Variants in TRPC4 observed in about 807,000 individuals in gnomAD.
TRPC4 encodes the protein short transient receptor potential channel 4.
Under a neutral mutation model 99.4 loss-of-function variants are expected in TRPC4, and 49 were observed. The observed-to-expected ratio is 0.49, with a 90% CI of 0.39 to 0.63. The LOEUF (loss-of-function observed/expected upper bound fraction) is 0.63, where lower values mean the gene tolerates loss of function less well. Among genes scored for constraint, TRPC4 ranks in the 20% least tolerant of loss-of-function variants. The pLI is 0.00. For missense variants in TRPC4, 898 were observed against 1,152.9 expected (o/e 0.78, Z 3.20); for synonymous variants, 454 against 425.9 (o/e 1.07, Z -0.81).
At chr13:37,738,662 A>G (rs962176804) in intron 3 of TRPC4, among the ~76,000 whole-genome samples, 1 of 152,192 alleles carries the variant, frequency 6.6e-6, no homozygotes, top group Non-Finnish European at 1.5e-5. Flanking sequence ...ACCCATTGCA[A>G]TAGATGAACA....
chr13:37,817,242 A>C (rs981719196), intron 1 of TRPC4, among the ~76,000 whole-genome samples: 1 of 152,132 alleles, frequency 6.6e-6, no homozygotes, highest in Admixed American at 6.6e-5. Flanking sequence ...TCAAGCTGAG[A>C]GCAAAATCAG....
At chr13:37,809,772 A>G (rs1376978613) in intron 1 of TRPC4, among the ~76,000 whole-genome samples, 2 of 152,104 alleles carry the variant, frequency 1.3e-5, no homozygotes, top group African/African-American at 2.4e-5. Flanking sequence ...TGGGTCCACT[A>G]TGAATCTGGA....
chr13:37,696,704 A>G lies in TRPC4; in HGVS notation c.898-4369T>C, dbSNP rs564286461. ...AAGGGCAATCTGATTCCTTTGCTCT[A>G]AAAGGACCACAAATTCATATACATA... On this transcript the variant is annotated intron_variant, in intron 3 of 10. Transcript: ENST00000379705. Among the ~76,000 whole-genome samples, 9 of 152,306 alleles carry G rather than the reference A, an allele frequency of 5.9e-5. No individual in the cohort carries two copies. The South Asian group carries it at 1.9e-3, about 32-fold the overall frequency.
At chr13:37,792,547 T>C (rs1427675129) in intron 1 of TRPC4, among the ~76,000 whole-genome samples, 1 of 152,122 alleles carries the variant, frequency 6.6e-6, no homozygotes, top group African/African-American at 2.4e-5. Context: ...AAAAACAATA[T>C]TAAGAAGAAA....
intron 1 of TRPC4, among the ~76,000 whole-genome samples, chr13:37,821,762 G>A (rs535393367): frequency 6.6e-6 from 1 of 152,212 alleles, no homozygotes; most frequent in African/African-American, 2.4e-5. Context: ...CTAGTCATAC[G>A]TGGAAGATTG....
intron 1 of TRPC4, among the ~76,000 whole-genome samples, chr13:37,863,275 A>G (rs1271802667): frequency 6.6e-6 from 1 of 151,640 alleles, no homozygotes; most frequent in Non-Finnish European, 1.5e-5. Context: ...CATTCATTGC[A>G]AATCTAACCA....
At chr13:37,681,636 G>C (rs1953243058) in intron 4 of TRPC4, among the ~76,000 whole-genome samples, 1 of 152,102 alleles carries the variant, frequency 6.6e-6, no homozygotes, top group African/African-American at 2.4e-5. Context: ...AAACCAGAGG[G>C]TGCTATTAAC....
chr13:37,654,700 T>G (rs1007827588), intron 7 of TRPC4, among the ~76,000 whole-genome samples: 3 of 152,168 alleles, frequency 2.0e-5, no homozygotes, highest in African/African-American at 4.8e-5. Context: ...TTATCTTTTG[T>G]ATCTTCCCCT....
chr13:37,845,749 T>C (rs1958877357), intron 1 of TRPC4, among the ~76,000 whole-genome samples: 1 of 152,084 alleles, frequency 6.6e-6, no homozygotes. Flanking sequence ...AGAAAGCATA[T>C]TTGAGAAAAT....
At chr13:37,857,344 C>T (rs942521674) in intron 1 of TRPC4, among the ~76,000 whole-genome samples, 1 of 151,336 alleles carries the variant, frequency 6.6e-6, no homozygotes, top group African/African-American at 2.4e-5. Flanking sequence ...TTCATACTAC[C>T]CAAAGAAATC....
chr13:37,821,720 C>G (rs936949859), intron 1 of TRPC4, among the ~76,000 whole-genome samples: 1 of 152,138 alleles, frequency 6.6e-6, no homozygotes, highest in Admixed American at 6.6e-5. Context: ...GGAAAGGTCT[C>G]TCTATTCAAT....
intron 1 of TRPC4, among the ~76,000 whole-genome samples, chr13:37,839,107 A>G (rs768946166): frequency 2.0e-5 from 3 of 152,188 alleles, no homozygotes; most frequent in Non-Finnish European, 2.9e-5. Context: ...AATATTGACA[A>G]GTAGTAGTAT....
At chr13:37,646,087 A>C (rs1951853848) in intron 8 of TRPC4, among the ~76,000 whole-genome samples, 2 of 152,218 alleles carry the variant, frequency 1.3e-5, no homozygotes, top group Non-Finnish European at 1.5e-5. Flanking sequence ...ATGTACTATG[A>C]GCATTTTTTC....
intron 2 of TRPC4, among the ~76,000 whole-genome samples, chr13:37,752,404 C>T (rs962022072): frequency 1.3e-5 from 2 of 151,826 alleles, no homozygotes; most frequent in Non-Finnish European, 2.9e-5. Flanking sequence ...AGGTGACTGC[C>T]ATTTCTGTAG....
At chr13:37,842,690 A>G (rs1228293265) in intron 1 of TRPC4, among the ~76,000 whole-genome samples, 1 of 152,174 alleles carries the variant, frequency 6.6e-6, no homozygotes, top group Non-Finnish European at 1.5e-5. Context: ...AATGGCACTA[A>G]TCACATAAGG....
At chr13:37,797,258 C>T (rs1271169104) in intron 1 of TRPC4, among the ~76,000 whole-genome samples, 2 of 152,060 alleles carry the variant, frequency 1.3e-5, no homozygotes, top group Admixed American at 6.6e-5. Flanking sequence ...GTTCTCACCA[C>T]AACTCCCCAG....
At chr13:37,772,467 A>G (rs1956581174) in intron 2 of TRPC4, among the ~76,000 whole-genome samples, 1 of 151,774 alleles carries the variant, frequency 6.6e-6, no homozygotes, top group South Asian at 2.1e-4. Context: ...TCAGTAAGAT[A>G]CATACATATT....
intron 10 of TRPC4, 123 bp downstream of exon 10, chr13:37,638,917 A>T (rs1400367316): frequency 2.1e-6 from 2 of 964,212 alleles, no homozygotes; most frequent in Non-Finnish European, 3.2e-6. Context: ...CAGCTGAAAA[A>T]TCAGAAGCCA....
At chr13:37,639,205 G>A (rs1951636657) in intron 9 of TRPC4, 53 bp downstream of exon 9, 5 of 1,611,736 alleles carry the variant, frequency 3.1e-6, no homozygotes, top group Admixed American at 1.7e-5. Context: ...CTGAAGGGGG[G>A]ACTGCATTTT....
Sources: gnomAD v4.1 joint callset for allele counts (sites outside exome capture counted in the v4.1 genomes callset) on GRCh38, gnomAD v4.1.1 for gene constraint, MANE v1.5 for transcripts, NCBI Gene and HGNC (gene_info 2026-07-23, HGNC 2026-07-21) for gene names.